Variants in EPHB1 observed in about 807,000 individuals in gnomAD.
EPHB1 encodes EPH receptor B1.
In EPHB1, 30 loss-of-function variants were observed where a neutral mutation model predicts 94.4. The observed-to-expected ratio is 0.32, with a 90% CI of 0.24 to 0.43. The LOEUF (loss-of-function observed/expected upper bound fraction) is 0.43, where lower values mean the gene tolerates loss of function less well. Among genes scored for constraint, EPHB1 ranks in the 20% least tolerant of loss-of-function variants. The pLI is 1.00. For synonymous variants in EPHB1, 522 were observed against 489.1 expected, an observed-to-expected ratio of 1.07 and a Z score of -0.89; for missense variants, 1,055 against 1,308.3, an observed-to-expected ratio of 0.81 and a Z score of 2.99.
chr3:134,816,509 C>T (rs1466212144), intron 1 of EPHB1, among the ~76,000 whole-genome samples: 1 of 151,936 alleles, frequency 6.6e-6, no homozygotes, highest in Admixed American at 6.6e-5. Context: ...GTGTTCGTCC[C>T]GTAAGTGGGG....
At chr3:134,808,202 A>G (rs564067811) in intron 1 of EPHB1, among the ~76,000 whole-genome samples, 6 of 152,350 alleles carry the variant, frequency 3.9e-5, no homozygotes, top group African/African-American at 1.4e-4. Context: ...TCAAACTCAT[A>G]TCCTCTTGAA....
chr3:135,122,535 T>A (rs1940013888), intron 4 of EPHB1, among the ~76,000 whole-genome samples: 1 of 152,150 alleles, frequency 6.6e-6, no homozygotes, highest in Non-Finnish European at 1.5e-5. Flanking sequence ...CCCGCATGGA[T>A]AGTAACCTGA....
intron 3 of EPHB1, among the ~76,000 whole-genome samples, chr3:135,094,112 G>A (rs1002869039): frequency 6.6e-6 from 1 of 152,240 alleles, no homozygotes; most frequent in Non-Finnish European, 1.5e-5. Flanking sequence ...AGAGGAGCTT[G>A]AGCACCATTA....
intron 3 of EPHB1, among the ~76,000 whole-genome samples, chr3:135,089,211 C>G (rs1469319781): frequency 1.7e-4 from 26 of 152,226 alleles, no homozygotes; most frequent in Admixed American, 1.7e-3. Flanking sequence ...AGTAAGCTAT[C>G]AAGTCTCTGG....
intron 1 of EPHB1, among the ~76,000 whole-genome samples, chr3:134,825,401 G>C (rs2036459241): frequency 6.6e-6 from 1 of 152,246 alleles, no homozygotes. Context: ...GTTTAGCCAA[G>C]CATCCCAGCA....
intron 1 of EPHB1, among the ~76,000 whole-genome samples, chr3:134,836,136 T>C (rs1349338269): frequency 6.6e-6 from 1 of 152,214 alleles, no homozygotes; most frequent in Non-Finnish European, 1.5e-5. Flanking sequence ...GGCATCTGGC[T>C]GGGCACAGCC....
intron 3 of EPHB1, among the ~76,000 whole-genome samples, chr3:135,076,910 G>A (rs1937948138): frequency 6.6e-6 from 1 of 152,184 alleles, no homozygotes; most frequent in African/African-American, 2.4e-5. Context: ...AAGTAGATAA[G>A]TGGTTGCCTA....
intron 3 of EPHB1, among the ~76,000 whole-genome samples, chr3:135,104,655 A>G (rs1939146264): frequency 6.6e-6 from 1 of 152,246 alleles, no homozygotes; most frequent in African/African-American, 2.4e-5. Flanking sequence ...AAAGAATAAG[A>G]TGAACTTTTA....
chr3:134,825,389 G>T (rs776118715), intron 1 of EPHB1, among the ~76,000 whole-genome samples: 8 of 152,242 alleles, frequency 5.3e-5, no homozygotes, highest in Non-Finnish European at 8.8e-5. Flanking sequence ...TCATCTGGTT[G>T]GGTTTAGCCA....
intron 1 of EPHB1, among the ~76,000 whole-genome samples, chr3:134,870,810 A>G (rs1042639879): frequency 6.6e-6 from 1 of 152,258 alleles, no homozygotes; most frequent in Non-Finnish European, 1.5e-5. Context: ...AGTACTTAGT[A>G]TCTGCTCCCT....
chr3:135,014,011 A>G (rs928855957), intron 3 of EPHB1, among the ~76,000 whole-genome samples: 6 of 151,978 alleles, frequency 3.9e-5, no homozygotes, highest in African/African-American at 1.4e-4. Context: ...AGCCATGGGG[A>G]TGGGATTCTT....
At position 135,080,724 on chromosome 3, in the gene EPHB1, G is replaced by A. The variant is rs543867827; in HGVS notation, c.806-25724G>A. 1.1e-3 allele frequency among the ~76,000 whole-genome samples: 162 copies of A among 152,160 alleles called. 1 individual carries two copies. The highest frequency in any genetic ancestry group is 2.0e-3 in the Non-Finnish European group (134 of 67,998). On this transcript the variant is annotated intron_variant, in intron 3 of 15. Coordinates refer to ENST00000398015, the MANE Select transcript of EPHB1 (RefSeq NM_004441.5). The stretch of plus-strand genomic sequence containing the variant: ...CTTCCCTGTACTTTGATCAGGCTTG[G>A]GTGAGCTACTTAACCTCTCTGTAGC...
intron 1 of EPHB1, among the ~76,000 whole-genome samples, chr3:134,905,968 T>A (rs572370209): frequency 4.6e-5 from 7 of 152,332 alleles, no homozygotes; most frequent in African/African-American, 1.7e-4. Flanking sequence ...TCCTTTCTCA[T>A]ACCTCTGATT....
intron 12 of EPHB1, among the ~76,000 whole-genome samples, chr3:135,238,808 G>C (rs1286735508): frequency 1.3e-5 from 2 of 151,998 alleles, no homozygotes; most frequent in African/African-American, 4.8e-5. Flanking sequence ...CTTAACCCAG[G>C]TATTTTGAGA....
chr3:135,138,260 T>A (rs2107689270), intron 5 of EPHB1, among the ~76,000 whole-genome samples: 1 of 152,340 alleles, frequency 6.6e-6, no homozygotes, highest in South Asian at 2.1e-4. Flanking sequence ...TGTTAATAGT[T>A]ACAAGCCCCT....
intron 3 of EPHB1, among the ~76,000 whole-genome samples, chr3:134,982,986 G>T (rs1234627903): frequency 6.6e-6 from 1 of 152,204 alleles, no homozygotes; most frequent in African/African-American, 2.4e-5. Flanking sequence ...CGATTACTCT[G>T]TCCTTATCAA....
intron 1 of EPHB1, among the ~76,000 whole-genome samples, chr3:134,896,203 C>T (rs986496724): frequency 1.8e-4 from 27 of 151,998 alleles, no homozygotes; most frequent in African/African-American, 5.6e-4. Context: ...CAGCTGCTCA[C>T]GGGCCCATAA....
intron 1 of EPHB1, among the ~76,000 whole-genome samples, chr3:134,906,042 G>A (rs369529209): frequency 8.5e-5 from 13 of 152,298 alleles, no homozygotes; most frequent in African/African-American, 2.4e-4. Context: ...CCTTCTGAGC[G>A]CTCCCATGGT....
rs1387550343 is a variant in EPHB1 at position 135,179,976 on chromosome 3, G to A, written c.1876G>A (p.Gly626Arg). Residue 626 changes from glycine (G) to arginine (R), a missense_variant, in exon 10 of 16, where the codon GGA (glycine) becomes AGA (arginine). Transcript: ENST00000398015. ...VSFVKIEEVI[G>R]AGEFGEVYKG... ...TTTTGTGAAAATTGAAGAGGTCATC[G>A]GAGCAGGTATGGCTCTTCCCTGTCT... 2.5e-6 allele frequency: 4 copies of A among 1,613,626 alleles called. No homozygotes were observed. The highest frequency in any genetic ancestry group is 3.4e-6 in the Non-Finnish European group (4 of 1,179,746).
Sources: allele counts gnomAD v4.1 joint callset (sites outside exome capture counted in the v4.1 genomes callset), GRCh38; gene constraint gnomAD v4.1.1; transcripts MANE v1.5; gene names NCBI Gene and HGNC (gene_info 2026-07-23, HGNC 2026-07-21).